The following FSTL4 variants were observed in gnomAD, a reference collection of about 807,000 sequenced individuals.
The protein encoded by FSTL4 is follistatin-related protein 4.
Under a neutral mutation model 78.2 loss-of-function variants are expected in FSTL4, and 28 were observed. The ratio of observed to expected loss-of-function variants is 0.36; its 90% CI spans 0.27 to 0.49. The LOEUF (loss-of-function observed/expected upper bound fraction) is 0.49, where lower values mean the gene tolerates loss of function less well. FSTL4 is among the 20% of genes least tolerant of loss of function. The pLI, the probability that FSTL4 is intolerant of heterozygous loss-of-function variation, is 0.98. For synonymous variants in FSTL4, 422 were observed against 440.5 expected (o/e 0.96, Z 0.53); for missense variants, 922 against 1,084.9 (o/e 0.85, Z 2.11).
At chr5:133,451,095 C>T (rs940460301) in intron 3 of FSTL4, among the ~76,000 whole-genome samples, 1 of 152,208 alleles carries the variant, frequency 6.6e-6, no homozygotes, top group East Asian at 1.9e-4. Context: ...CTAAGTAACT[C>T]GGAGAAGGAA....
chr5:133,564,907 A>C (rs921208405), intron 3 of FSTL4, among the ~76,000 whole-genome samples: 1 of 152,210 alleles, frequency 6.6e-6, no homozygotes, highest in Non-Finnish European at 1.5e-5. Context: ...CTCACTTCTC[A>C]ACACACATAC....
the FSTL4 span, among the ~76,000 whole-genome samples, chr5:133,799,748 C>T: frequency 7.2e-6 from 1 of 139,764 alleles, no homozygotes. Flanking sequence ...GCTGCCCTCA[C>T]CTTGACAACC....
chr5:133,504,101 G>A (rs944566642), intron 3 of FSTL4, among the ~76,000 whole-genome samples: 8 of 151,934 alleles, frequency 5.3e-5, no homozygotes, highest in Admixed American at 2.6e-4. Context: ...ACTTCCCATC[G>A]GGTCCCTCCT....
At chr5:133,580,555 G>A (rs1303054606) in intron 2 of FSTL4, among the ~76,000 whole-genome samples, 1 of 152,210 alleles carries the variant, frequency 6.6e-6, no homozygotes, top group Non-Finnish European at 1.5e-5. Context: ...GTGCCACGGT[G>A]CAAAATGAAA....
intron 3 of FSTL4, among the ~76,000 whole-genome samples, chr5:133,550,176 T>A (rs1467122133): frequency 6.6e-6 from 1 of 152,246 alleles, no homozygotes; most frequent in Admixed American, 6.5e-5. Flanking sequence ...ATTTAAAGGA[T>A]TGCTTAAATG....
At chr5:133,654,666 T>C in the FSTL4 span, among the ~76,000 whole-genome samples, 1 of 152,176 alleles carries the variant, frequency 6.6e-6, no homozygotes, top group African/African-American at 2.4e-5. Context: ...TTGTCCTAGC[T>C]TGGCCTTCAA....
chr5:133,436,535 G>T (rs990305604), intron 3 of FSTL4, among the ~76,000 whole-genome samples: 2 of 152,264 alleles, frequency 1.3e-5, no homozygotes, highest in East Asian at 3.9e-4. Flanking sequence ...GAAGCATTGA[G>T]AAGTTATTAA....
intron 3 of FSTL4, among the ~76,000 whole-genome samples, chr5:133,439,593 C>T (rs947777071): frequency 7.9e-5 from 12 of 152,188 alleles, no homozygotes; most frequent in African/African-American, 2.7e-4. Context: ...AGTGCCAGCT[C>T]GTGGGGGTAA....
the FSTL4 span, among the ~76,000 whole-genome samples, chr5:133,800,275 A>G: frequency 7.2e-6 from 1 of 138,302 alleles, no homozygotes; most frequent in Non-Finnish European, 1.6e-5. Flanking sequence ...GGGAGGGGAC[A>G]GGGAGGAACC....
chr5:133,499,059 A>G (rs1196982513), intron 3 of FSTL4, among the ~76,000 whole-genome samples: 1 of 151,658 alleles, frequency 6.6e-6, no homozygotes, highest in Non-Finnish European at 1.5e-5. Flanking sequence ...AATATGTAAC[A>G]ACGGATATAG....
At chr5:133,711,587 T>C in the FSTL4 span, among the ~76,000 whole-genome samples, 1 of 152,170 alleles carries the variant, frequency 6.6e-6, no homozygotes, top group South Asian at 2.1e-4. Flanking sequence ...GAAAGGACTG[T>C]TCCTTTGTAC....
intron 6 of FSTL4, among the ~76,000 whole-genome samples, chr5:133,282,707 G>A: frequency 6.6e-6 from 1 of 152,098 alleles, no homozygotes; most frequent in South Asian, 2.1e-4. Context: ...AGTGAGTGAA[G>A]CCTGCTGACT....
intron 4 of FSTL4, among the ~76,000 whole-genome samples, chr5:133,383,445 T>G (rs1380103525): frequency 6.6e-6 from 1 of 152,202 alleles, no homozygotes; most frequent in Non-Finnish European, 1.5e-5. Context: ...GACGTGTCCT[T>G]TCCTGGGTCA....
At chr5:133,402,064 G>A (rs973233481) in intron 3 of FSTL4, among the ~76,000 whole-genome samples, 37 of 152,266 alleles carry the variant, frequency 2.4e-4, no homozygotes, top group African/African-American at 8.9e-4. Context: ...GGGGGAGAAT[G>A]TGGTTCTCCA....
intron 4 of FSTL4, among the ~76,000 whole-genome samples, chr5:133,364,106 G>C (rs1251804258): frequency 6.6e-6 from 1 of 152,188 alleles, no homozygotes; most frequent in African/African-American, 2.4e-5. Flanking sequence ...GGACACGCCT[G>C]ACATTCCAGC....
chr5:133,449,979 G>C (rs1012860646), intron 3 of FSTL4, among the ~76,000 whole-genome samples: 1 of 152,170 alleles, frequency 6.6e-6, no homozygotes, highest in Admixed American at 6.5e-5. Context: ...TTACAATCCA[G>C]GCTTCTCTTT....
chr5:133,240,210 G>A (rs762818311), intron 7 of FSTL4, among the ~76,000 whole-genome samples: 6 of 152,130 alleles, frequency 3.9e-5, no homozygotes, highest in Non-Finnish European at 8.8e-5. Flanking sequence ...CTCTGGACAC[G>A]CTGCCTTTAA....
the FSTL4 span, among the ~76,000 whole-genome samples, chr5:133,625,187 T>A: frequency 1.3e-5 from 2 of 151,714 alleles, no homozygotes; most frequent in African/African-American, 4.8e-5. Flanking sequence ...AAAAGATAAG[T>A]GTAGAATTGG....
chr5:133,829,546 G>C, the FSTL4 span, among the ~76,000 whole-genome samples: 3 of 152,172 alleles, frequency 2.0e-5, no homozygotes, highest in Non-Finnish European at 4.4e-5. Context: ...AAAGTGAGTA[G>C]GGAGAAGAAT....
Sources: gnomAD v4.1 joint callset for allele counts (sites outside exome capture counted in the v4.1 genomes callset) on GRCh38, gnomAD v4.1.1 for gene constraint, MANE v1.5 for transcripts, NCBI Gene and HGNC (gene_info 2026-07-23, HGNC 2026-07-21) for gene names.